The following C21orf58 variants were observed in gnomAD, a reference collection of about 807,000 sequenced individuals.
C21orf58 encodes the protein uncharacterized protein C21orf58.
Under a neutral mutation model 35.8 loss-of-function variants are expected in C21orf58, and 34 were observed. The observed-to-expected ratio is 0.95, with a 90% CI of 0.72 to 1.26. The LOEUF is 1.26. C21orf58 is among the 50% of genes most tolerant of loss of function. C21orf58 has a pLI of 0.00. For synonymous variants in C21orf58, 191 were observed against 175.8 expected (o/e 1.09, Z -0.68); for missense variants, 440 against 414.3 (o/e 1.06, Z -0.54).
rs2082112315 is a variant in C21orf58, at chr21:46,301,682, G to T, written c.*317C>A. ...CTTTACCTCCGTGATGGAAGAGGGG[G>T]ATCTGAGGCTCCCAGGTGGGCCGGC... On this transcript the variant is annotated 3_prime_UTR_variant, in exon 8 of 8. Coordinates refer to ENST00000291691, the MANE Select transcript of C21orf58 (RefSeq NM_058180.5). The T allele has an allele frequency of 8.7e-7, 1 of 1,144,220 alleles. No homozygotes were observed. The highest frequency in any genetic ancestry group is 4.3e-5 in the East Asian group (1 of 23,274). The allele number at this position is 1,144,220 out of a possible 1,614,324, so 70.9% of individuals were successfully genotyped here. A position where few individuals can be genotyped will look rare whatever the true frequency, so the allele number is the denominator to read the frequency against.
intron 6 of C21orf58, among the ~76,000 whole-genome samples, chr21:46,306,325 C>T (rs1018943883): frequency 4.0e-5 from 6 of 151,620 alleles, no homozygotes; most frequent in Admixed American, 3.3e-4. Context: ...ATGGTGAAAC[C>T]CCGTCTCAAC....
chr21:46,310,508 AAC>A (rs1238460032), intron 6 of C21orf58, among the ~76,000 whole-genome samples: 34 of 145,272 alleles, frequency 2.3e-4, no homozygotes, highest in African/African-American at 3.3e-4. Context: ...AAAAAAAAAA[AAC>A]AAAACTTGTC....
rs1426976578 is a variant in C21orf58, at chr21:46,315,492, G to A, written c.426C>T (p.Asp142=). The change falls in exon 4 of 8, where the codon GAC becomes GAT. Residue 142 remains aspartate (D), a synonymous_variant. Coordinates refer to ENST00000291691, the MANE Select transcript of C21orf58 (RefSeq NM_058180.5). The stretch of plus-strand genomic sequence containing the variant: ...GGCCTACCCGGAGTCTCTGCAGAAG[G>A]TCCCTCCTTCTCTTCAGAGCAGTCT... ...ALQTALKRRR[D]LLQRLREQHL... 1.2e-6 allele frequency: 2 copies of A among 1,609,316 alleles called. No homozygotes were observed. Among genetic ancestry groups the A allele is most frequent in the Admixed American group, 3.3e-5 (2 of 60,008 alleles).
intron 6 of C21orf58, among the ~76,000 whole-genome samples, chr21:46,308,970 C>A (rs2082548083): frequency 6.6e-6 from 1 of 152,156 alleles, no homozygotes; most frequent in Admixed American, 6.5e-5. Context: ...TGCCCCCGAA[C>A]CTTGCACTCC....
chr21:46,310,421 G>A (rs578160953), intron 6 of C21orf58, among the ~76,000 whole-genome samples: 2 of 151,114 alleles, frequency 1.3e-5, no homozygotes, highest in South Asian at 2.1e-4. Context: ...GGAGGTTGCA[G>A]TGAGCCAAGA....
Position 46,304,591 on chromosome 21 carries a change from G to A in C21orf58, c.722-2015C>T, listed in dbSNP as rs149927907. ...TGAACTTCCATAAGATGCCCACCAC[G>A]CTGGCAAAAATGAAAAGTGTGAAAA... is the stretch of plus-strand genomic sequence containing the variant. On this transcript the variant is annotated intron_variant, in intron 6 of 7. Transcript: ENST00000291691. 5.7e-3 allele frequency among the ~76,000 whole-genome samples: 870 copies of A among 152,248 alleles called. 9 individuals carry two copies. The highest frequency in any genetic ancestry group is 0.02 in the African/African-American group (833 of 41,552).
In C21orf58 at chr21:46,314,800, G is replaced by A; in HGVS notation, c.525C>T (p.Pro175=). ...GGATGCCCGTGGGGGGCAGCTCTGGGGGCAGGGCTGACCCGAGGGCTCCTC... is the reference window on the plus strand; with the variant it reads ...GGATGCCCGTGGGGGGCAGCTCTGGAGGCAGGGCTGACCCGAGGGCTCCTC... The part of the protein sequence containing the change: ...PSRGALGSAL[P]PELPPTGILP... Residue 175 remains proline, a synonymous_variant, in exon 5 of 8, where the codon CCC becomes CCT. Transcript: ENST00000291691. 6.5e-7 allele frequency: 1 copy of A among 1,544,144 alleles called. No homozygotes were observed. Among genetic ancestry groups the A allele is most frequent in the Non-Finnish European group, 8.8e-7 (1 of 1,142,518 alleles).
intron 6 of C21orf58, among the ~76,000 whole-genome samples, chr21:46,310,423 G>A (rs1472738905): frequency 6.6e-6 from 1 of 151,476 alleles, no homozygotes; most frequent in African/African-American, 2.4e-5. Context: ...AGGTTGCAGT[G>A]AGCCAAGATG....
intron 6 of C21orf58, among the ~76,000 whole-genome samples, chr21:46,306,120 T>G (rs371865017): frequency 5.4e-4 from 82 of 151,402 alleles, no homozygotes; most frequent in African/African-American, 1.3e-3. Flanking sequence ...CTGGATTATC[T>G]GGGCAAGCCC....
chr21:46,302,569 C>T lies in C21orf58; in HGVS notation c.729G>A (p.Val243=), dbSNP rs753592277. 1.2e-6 allele frequency: 2 copies of T among 1,611,264 alleles called. No individual in the cohort carries two copies. The highest frequency in any genetic ancestry group is 1.3e-5 in the African/African-American group (1 of 74,970). The change falls in exon 7 of 8, where the codon GTG becomes GTA. Residue 243 remains valine, a synonymous_variant. Coordinates refer to ENST00000291691, the MANE Select transcript of C21orf58 (RefSeq NM_058180.5). ...GTGCGTTCTGCAGCAGCAGCAGCTC[C>T]ACCATGTCTGCAGGGAAGAAGCAGG... ...QRSGSIKEDM[V]ELLLLQNAQV...
rs1409000211 is a variant in C21orf58 at position 46,323,405 on chromosome 21, T to A, written c.-667A>T. 6.6e-6 allele frequency: 1 copy of A among 151,364 alleles called. No individual in the cohort carries two copies. Among genetic ancestry groups the A allele is most frequent in the East Asian group, 1.9e-4 (1 of 5,190 alleles). 9.4% of individuals were successfully genotyped at this position (151,364 alleles called of 1,614,324 possible). A position where few individuals can be genotyped will look rare whatever the true frequency, so the allele number is the denominator to read the frequency against. On this transcript the variant is annotated 5_prime_UTR_variant, in exon 1 of 8. Coordinates refer to ENST00000291691, the MANE Select transcript of C21orf58 (RefSeq NM_058180.5). ...AAAACCTTTTCTTTTCTTTTTTTTT[T>A]GAGACCTAAGACATCAGTGAGACAC...
At chr21:46,314,530 T>C (rs2082883833) in intron 5 of C21orf58, among the ~76,000 whole-genome samples, 186 bp downstream of exon 5, 1 of 152,178 alleles carries the variant, frequency 6.6e-6, no homozygotes, top group Non-Finnish European at 1.5e-5. Flanking sequence ...TGATGAGGGG[T>C]AAGCAGTCCG....
intron 5 of C21orf58, among the ~76,000 whole-genome samples, chr21:46,314,131 G>GTTTTTTTTTTTTTTT (rs140166854): frequency 2.0e-4 from 29 of 145,092 alleles, no homozygotes; most frequent in African/African-American, 5.7e-4. Context: ...GCATGATAAA[G>GTTTTTTTTTTTTTTT]TTTTTTTTTT....
chr21:46,303,730 TATATATATATATA>T (rs1400076294), intron 6 of C21orf58, among the ~76,000 whole-genome samples: 319 of 28,734 alleles, frequency 0.011, 19 homozygotes, highest in Middle Eastern at 0.019. Flanking sequence ...TATATATATA[TATATATATATATA>T]TATTTTTTTT....
rs373819859 is a variant in C21orf58 at position 46,314,836 on chromosome 21, G to A, written c.489C>T (p.Ser163=). 3.6e-4 allele frequency: 555 copies of A among 1,550,034 alleles called. 3 individuals carry two copies. The South Asian group carries it at 5.6e-3, about 16-fold the overall frequency. Residue 163 remains serine (S), a synonymous_variant, in exon 5 of 8, where the codon AGC becomes AGT. Transcript: ENST00000291691. ...ACCCGAGGGCTCCTCTGCTTGGCCC[G>A]CTCCAGGCCTGGGCCCGAGAGAGCT... ...LDELSRAQAW[S]GPSRGALGSA...
Position 46,318,160 on chromosome 21 carries a change from T to C in C21orf58, c.161A>G (p.Glu54Gly). The C allele has an allele frequency of 1.2e-6, 2 of 1,613,008 alleles. No individual in the cohort carries two copies. Among genetic ancestry groups the C allele is most frequent in the Non-Finnish European group, 1.7e-6 (2 of 1,179,998 alleles). Residue 54 changes from glutamate to glycine, a missense_variant, in exon 2 of 8, where the codon GAG (glutamate) becomes GGG (glycine). Physicochemically the swap from Glu to Gly is moderately conservative, Grantham distance 98. Transcript: ENST00000291691. ...AGNTGAWAPA[E>G]QFFPASNRTR... ...TCTGTTACTCGCAGGAAAGAACTGC[T>C]CAGCAGGAGCCCAAGCACCGGTGTT... is the stretch of plus-strand genomic sequence containing the variant.
chr21:46,304,309 C>G (rs970498119), intron 6 of C21orf58, among the ~76,000 whole-genome samples: 1 of 151,830 alleles, frequency 6.6e-6, no homozygotes, highest in Non-Finnish European at 1.5e-5. Flanking sequence ...GGATTACAGG[C>G]GTGAGCCACT....
chr21:46,317,335 G>C (rs186065102), intron 2 of C21orf58, 67 bp from the exon 3 acceptor site: 8 of 1,575,298 alleles, frequency 5.1e-6, no homozygotes, highest in South Asian at 1.1e-5. Context: ...CTCCAGGAAT[G>C]ACTAAGAGGC....
At chr21:46,301,124 C>A (rs1443159317), downstream of C21orf58, 4 of 980,640 alleles carry the variant, frequency 4.1e-6, no homozygotes, top group Admixed American at 1.3e-4. Flanking sequence ...TCACGTCATA[C>A]ACAGCTTGCT....
Sources: gnomAD v4.1 joint callset for allele counts (sites outside exome capture counted in the v4.1 genomes callset) on GRCh38, gnomAD v4.1.1 for gene constraint, MANE v1.5 for transcripts, NCBI Gene and HGNC (gene_info 2026-07-23, HGNC 2026-07-21) for gene names.